PPP1CB: variants seen among roughly 807,000 people sequenced by gnomAD.
PPP1CB encodes the protein serine/threonine-protein phosphatase PP1-beta catalytic subunit.
In PPP1CB, 2 loss-of-function variants were observed where a neutral mutation model predicts 43.7. That is an observed-to-expected ratio of 0.05 (90% CI 0.02 to 0.14). The LOEUF (loss-of-function observed/expected upper bound fraction) is 0.14. Among genes scored for constraint, PPP1CB ranks in the 10% least tolerant of loss-of-function variants. The pLI, the probability that PPP1CB is intolerant of heterozygous loss-of-function variation, is 1.00. For synonymous variants in PPP1CB, 136 were observed against 135.6 expected (o/e 1.00, Z -0.02); for missense variants, 84 against 398.0 (o/e 0.21, Z 6.71).
chr2:28,772,015 A>C (rs1666924616), intron 1 of PPP1CB, among the ~76,000 whole-genome samples: 2 of 151,840 alleles, frequency 1.3e-5, no homozygotes, highest in South Asian at 4.1e-4. Context: ...TCTATTAGGC[A>C]CATGAAAAAG....
rs527538525 is a variant in PPP1CB at position 28,760,680 on chromosome 2, A to G, written c.52+8504A>G. ...TCATTCTCAAGATTTGGAGAAATCA[A>G]AATCTAAGTTTTCATAATAAAAGGT... On this transcript the variant is annotated intron_variant, in intron 1 of 7. Transcript: ENST00000395366. 1.9e-3 allele frequency among the ~76,000 whole-genome samples: 297 copies of G among 152,326 alleles called. 2 individuals are homozygous for G. Among genetic ancestry groups the G allele is most frequent in the Non-Finnish European group, 2.8e-3 (191 of 68,038 alleles).
chr2:28,765,720 C>T (rs1666764943), intron 1 of PPP1CB, among the ~76,000 whole-genome samples: 2 of 152,118 alleles, frequency 1.3e-5, no homozygotes, highest in Admixed American at 1.3e-4. Flanking sequence ...AGTTTGAGAC[C>T]TGCCTGGGCA....
At chr2:28,752,578 C>G (rs545918242) in intron 1 of PPP1CB, among the ~76,000 whole-genome samples, 5 of 152,112 alleles carry the variant, frequency 3.3e-5, no homozygotes, top group Non-Finnish European at 7.4e-5. Flanking sequence ...AATCACTGTT[C>G]TTCTCTGTTC....
At chr2:28,768,008 G>A (rs1047570725) in intron 1 of PPP1CB, among the ~76,000 whole-genome samples, 24 of 152,136 alleles carry the variant, frequency 1.6e-4, no homozygotes, top group African/African-American at 5.8e-4. Context: ...AATAAATTGG[G>A]ATTAGGAGCC....
chr2:28,786,790 A>AAAAAAG (rs1413526247), intron 5 of PPP1CB, among the ~76,000 whole-genome samples: 1 of 151,648 alleles, frequency 6.6e-6, no homozygotes, highest in Non-Finnish European at 1.5e-5. Flanking sequence ...AAAAAAAAAA[A>AAAAAAG]AAAAAGAAAT....
intron 1 of PPP1CB, among the ~76,000 whole-genome samples, chr2:28,772,155 A>G (rs1666928535): frequency 6.6e-6 from 1 of 152,062 alleles, no homozygotes; most frequent in South Asian, 2.1e-4. Flanking sequence ...TGTCTCTACA[A>G]AAATTAGCTG....
At chr2:28,756,510 CT>C (rs1666492040) in intron 1 of PPP1CB, among the ~76,000 whole-genome samples, 2 of 152,168 alleles carry the variant, frequency 1.3e-5, no homozygotes, top group South Asian at 4.1e-4. Flanking sequence ...ACACTTTTAA[CT>C]TTTCCTATTC....
chr2:28,768,333 A>G (rs983734157), intron 1 of PPP1CB, among the ~76,000 whole-genome samples: 22 of 152,150 alleles, frequency 1.4e-4, no homozygotes, highest in African/African-American at 5.1e-4. Flanking sequence ...CACTAAAGCA[A>G]TTGAAGCTTA....
intron 5 of PPP1CB, among the ~76,000 whole-genome samples, chr2:28,787,652 C>T (rs1207276228): frequency 6.6e-6 from 1 of 152,206 alleles, no homozygotes; most frequent in East Asian, 1.9e-4. Flanking sequence ...CTTCGTCCTA[C>T]TGCCCTTGTT....
chr2:28,773,029 G>T (rs931749696), intron 1 of PPP1CB, among the ~76,000 whole-genome samples: 1 of 152,066 alleles, frequency 6.6e-6, no homozygotes, highest in African/African-American at 2.4e-5. Flanking sequence ...TAGCAATAAG[G>T]ATAGTAACCT....
At chr2:28,798,940 A>G in intron 7 of PPP1CB, among the ~76,000 whole-genome samples, 1 of 112,808 alleles carries the variant, frequency 8.9e-6, no homozygotes, top group South Asian at 2.8e-4. Context: ...ACAGAGATAC[A>G]CTAAGTTCAA....
chr2:28,760,013 A>C (rs768679290), intron 1 of PPP1CB, among the ~76,000 whole-genome samples: 4 of 152,116 alleles, frequency 2.6e-5, no homozygotes, highest in Non-Finnish European at 4.4e-5. Context: ...TTATCCTGGG[A>C]GGTGATGGCT....
At chr2:28,783,463 A>G (rs564168448) in intron 4 of PPP1CB, among the ~76,000 whole-genome samples, 1 of 152,286 alleles carries the variant, frequency 6.6e-6, no homozygotes, top group Admixed American at 6.5e-5. Flanking sequence ...TTGCCCTTTA[A>G]GACATTAAAA....
chr2:28,794,459 G>A (rs1464251233), intron 7 of PPP1CB, among the ~76,000 whole-genome samples: 1 of 152,198 alleles, frequency 6.6e-6, no homozygotes, highest in African/African-American at 2.4e-5. Context: ...GGGAGGCTGA[G>A]GTGGGCGGAT....
At chr2:28,788,859 G>A in intron 6 of PPP1CB, 50 bp downstream of exon 6, 1 of 1,486,142 alleles carries the variant, frequency 6.7e-7, no homozygotes, top group South Asian at 1.3e-5. Flanking sequence ...TCTTTTTTTT[G>A]GGGGCAGACG....
At chr2:28,778,604 G>T in intron 2 of PPP1CB, 1 of 563,026 alleles carries the variant, frequency 1.8e-6, no homozygotes. Context: ...GAGAGTGCAA[G>T]CAAGATGAAA....
intron 1 of PPP1CB, among the ~76,000 whole-genome samples, chr2:28,759,341 C>T (rs1057121909): frequency 1.3e-5 from 2 of 151,906 alleles, no homozygotes; most frequent in Non-Finnish European, 2.9e-5. Context: ...CATGGTGAAA[C>T]CCCATCTCTA....
chr2:28,799,106 GT>G, intron 7 of PPP1CB, 92 bp from the exon 8 acceptor site: 1 of 871,694 alleles, frequency 1.1e-6, no homozygotes, highest in South Asian at 1.7e-5. Flanking sequence ...CATTTTTGCA[GT>G]TTATGCCATT....
At chr2:28,799,162 G>A in intron 7 of PPP1CB, 37 bp from the exon 8 acceptor site, 1 of 1,384,334 alleles carries the variant, frequency 7.2e-7, no homozygotes, top group Non-Finnish European at 1.0e-6. Context: ...TTCTGTACAT[G>A]AAAAAATAAC....
Sources: allele counts gnomAD v4.1 joint callset (sites outside exome capture counted in the v4.1 genomes callset), GRCh38; gene constraint gnomAD v4.1.1; transcripts MANE v1.5; gene names NCBI Gene and HGNC (gene_info 2026-07-23, HGNC 2026-07-21).